Variants in TARBP1 observed in about 807,000 individuals in gnomAD.
TARBP1 encodes the protein tRNA (guanosine(18)-2'-O)-methyltransferase TARBP1.
Under a neutral mutation model 178.6 loss-of-function variants are expected in TARBP1, and 144 were observed. That is an observed-to-expected ratio of 0.81 (90% confidence interval 0.70 to 0.93). The LOEUF (loss-of-function observed/expected upper bound fraction) is 0.93. Ranked by LOEUF, TARBP1 falls within the 40% of genes least tolerant of loss-of-function variation. The pLI is 0.00. For synonymous variants in TARBP1, 787 were observed against 781.0 expected (o/e 1.01, Z -0.13); for missense variants, 2,067 against 2,011.7 (o/e 1.03, Z -0.53).
Position 234,391,678 on chromosome 1 carries a change from G to A in TARBP1, c.4765C>T (p.Gln1589Ter). 15 of 1,613,766 alleles carry A rather than the reference G, an allele frequency of 9.3e-6. No individual in the cohort carries two copies. The highest frequency in any genetic ancestry group is 1.2e-5 in the Non-Finnish European group (14 of 1,179,988). The change falls in exon 30 of 30, where the codon CAG (glutamine) becomes TAG (stop). Residue 1589 changes from glutamine to a stop codon, truncating the protein, a stop_gained. Coordinates refer to ENST00000040877, the MANE Select transcript of TARBP1 (RefSeq NM_005646.4). LOFTEE classifies it low-confidence loss of function (END_TRUNC). Reference protein sequence around the residue: ...QLDVCVEIPQQGIIRSLNVHV... With the variant: ...QLDVCVEIPQ ...ACATTCAGGGAGCGGATAATGCCCT[G>A]TTGAGGAATTTCCACACAAACGTCC...
intron 25 of TARBP1, 57 bp from the exon 26 acceptor site, chr1:234,398,610 A>G (rs900098815): frequency 2.3e-6 from 3 of 1,284,394 alleles, no homozygotes; most frequent in African/African-American, 3.0e-5. Context: ...AAAGAAATAT[A>G]TAACATTTAA....
intron 12 of TARBP1, among the ~76,000 whole-genome samples, chr1:234,441,801 T>C (rs868807964): frequency 6.6e-6 from 1 of 152,220 alleles, no homozygotes; most frequent in South Asian, 2.1e-4. Flanking sequence ...AATGAGATCA[T>C]ATAATATGTG....
intron 1 of TARBP1, among the ~76,000 whole-genome samples, chr1:234,476,438 G>A (rs1284832385): frequency 6.6e-6 from 1 of 152,216 alleles, no homozygotes; most frequent in Non-Finnish European, 1.5e-5. Flanking sequence ...CTGTGCACCA[G>A]GCACAGGGAG....
chr1:234,450,706 C>A, intron 9 of TARBP1, 140 bp from the exon 10 acceptor site: 1 of 951,934 alleles, frequency 1.1e-6, no homozygotes. Context: ...CATTTACTAT[C>A]ATACTTGAGT....
intron 25 of TARBP1, chr1:234,400,897 T>C (rs559677402): frequency 4.8e-5 from 11 of 228,276 alleles, no homozygotes; most frequent in African/African-American, 2.5e-4. Context: ...TCAGAACAGA[T>C]TTCTGTTTAG....
At chr1:234,475,234 A>G (rs1669468367) in intron 1 of TARBP1, among the ~76,000 whole-genome samples, 2 of 152,140 alleles carry the variant, frequency 1.3e-5, no homozygotes, top group Non-Finnish European at 2.9e-5. Context: ...GCAGGAGTAC[A>G]AGATGGTGAT....
At chr1:234,425,958 A>G (rs1377493561) in intron 19 of TARBP1, among the ~76,000 whole-genome samples, 165 bp from the exon 20 acceptor site, 1 of 152,376 alleles carries the variant, frequency 6.6e-6, no homozygotes, top group African/African-American at 2.4e-5. Flanking sequence ...AATAGATAAC[A>G]GAAGATAACA....
intron 6 of TARBP1, among the ~76,000 whole-genome samples, chr1:234,461,368 G>A (rs1572386047): frequency 6.6e-6 from 1 of 152,206 alleles, no homozygotes; most frequent in Non-Finnish European, 1.5e-5. Flanking sequence ...GCAGTGGCTT[G>A]ATCTTGGCTT....
intron 12 of TARBP1, among the ~76,000 whole-genome samples, chr1:234,441,983 A>G (rs561370444): frequency 6.6e-6 from 1 of 152,320 alleles, no homozygotes; most frequent in African/African-American, 2.4e-5. Flanking sequence ...AATTTTTGAC[A>G]AAAGTACAAA....
At chr1:234,444,167 G>A (rs1266323230) in intron 12 of TARBP1, among the ~76,000 whole-genome samples, 1 of 151,928 alleles carries the variant, frequency 6.6e-6, no homozygotes, top group Non-Finnish European at 1.5e-5. Context: ...AAAAACCTAC[G>A]TCAGGAAGAA....
chr1:234,427,167 A>C, intron 19 of TARBP1, 150 bp downstream of exon 19: 1 of 551,012 alleles, frequency 1.8e-6, no homozygotes, highest in Non-Finnish European at 3.2e-6. Context: ...AAGGGACTAT[A>C]ATTTCTAACA....
chr1:234,455,813 C>A (rs1184135348), intron 9 of TARBP1, among the ~76,000 whole-genome samples: 2 of 150,378 alleles, frequency 1.3e-5, no homozygotes, highest in African/African-American at 4.9e-5. Context: ...TCAATACCCT[C>A]AATATAAAAA....
At position 234,410,512 on chromosome 1, in the gene TARBP1, GTTTTA is replaced by G; in HGVS notation, c.3720_3724del (p.Thr1242HisfsTer42). On this transcript the variant is annotated frameshift_variant, in exon 23 of 30. Coordinates refer to ENST00000040877, the MANE Select transcript of TARBP1 (RefSeq NM_005646.4). LOFTEE classifies it high-confidence loss of function. The stretch of plus-strand genomic sequence containing the variant: ...AACTGCTAAAAACGTACAAATGCTT[GTTTTA>G]AGATTTTCTTCACCCTGAAAAAATA... The G allele has an allele frequency of 6.6e-7, 1 of 1,511,232 alleles. No homozygotes were observed. The highest frequency in any genetic ancestry group is 9.1e-7 in the Non-Finnish European group (1 of 1,098,420). 93.6% of individuals were successfully genotyped at this position (1,511,232 alleles called of 1,614,324 possible).
intron 13 of TARBP1, 53 bp from the exon 14 acceptor site, chr1:234,433,624 CA>C (rs1268565844): frequency 1.7e-5 from 26 of 1,523,514 alleles, no homozygotes; most frequent in Non-Finnish European, 2.3e-5. Flanking sequence ...ATGATTTTCA[CA>C]AAACTACAAG....
intron 1 of TARBP1, among the ~76,000 whole-genome samples, chr1:234,473,912 G>A (rs1669309370): frequency 6.6e-6 from 1 of 152,146 alleles, no homozygotes; most frequent in Admixed American, 6.5e-5. Context: ...ATCTTAAGAA[G>A]ATAGTAGTAT....
At chr1:234,453,964 A>G (rs1255607592) in intron 9 of TARBP1, among the ~76,000 whole-genome samples, 2 of 152,224 alleles carry the variant, frequency 1.3e-5, no homozygotes, top group Non-Finnish European at 2.9e-5. Context: ...TCAGAGATGA[A>G]AACAGACACT....
At chr1:234,421,981 T>C (rs1395205671) in intron 20 of TARBP1, among the ~76,000 whole-genome samples, 1 of 152,240 alleles carries the variant, frequency 6.6e-6, no homozygotes, top group Non-Finnish European at 1.5e-5. Flanking sequence ...TAGATTTTAA[T>C]GACTCCAGTG....
rs932570984 is a variant in TARBP1, at chr1:234,427,578, T to G, written c.3249A>C (p.Gln1083His). 1 of 1,595,568 alleles carries G rather than the reference T, an allele frequency of 6.3e-7. No individual in the cohort carries two copies. The highest frequency in any genetic ancestry group is 8.5e-7 in the Non-Finnish European group (1 of 1,175,042). The change falls in exon 18 of 30, where the codon CAA becomes CAC. Residue 1083 changes from glutamine (Q) to histidine (H), a missense_variant and splice_region_variant. Physicochemically the swap from Gln to His is conservative, Grantham distance 24. Transcript: ENST00000040877. ...GTTGAAATAATAGCATCTTTTACCT[T>G]TGATCACGCCTAAACACAGTTCCAA... Reference protein sequence around the residue: ...CIFGTVFRRDQRLVQDVQTFI... With the variant: ...CIFGTVFRRDHRLVQDVQTFI...
intron 23 of TARBP1, chr1:234,406,341 T>TCCCCCC: frequency 2.0e-6 from 1 of 497,452 alleles, no homozygotes; most frequent in Middle Eastern, 5.3e-4. Flanking sequence ...GCAGTACATT[T>TCCCCCC]CCCCCCGCCC....
Sources: allele counts gnomAD v4.1 joint callset (sites outside exome capture counted in the v4.1 genomes callset), GRCh38; gene constraint gnomAD v4.1.1; transcripts MANE v1.5; gene names NCBI Gene and HGNC (gene_info 2026-07-23, HGNC 2026-07-21).